The following EIF3CL variants were observed in gnomAD, a reference collection of about 807,000 sequenced individuals.
EIF3CL encodes the protein eukaryotic translation initiation factor 3 subunit C like.
For synonymous variants in EIF3CL, 2 were observed against 19.6 expected (o/e 0.10, Z 2.37); for missense variants, 5 against 56.1 (o/e 0.09, Z 2.91).
intron 2 of EIF3CL, among the ~76,000 whole-genome samples, chr16:28,403,237 GT>G (rs1272273678): frequency 1.4e-5 from 1 of 69,536 alleles, no homozygotes; most frequent in East Asian, 7.3e-4. Context: ...GAGGAGACAG[GT>G]AGAGGCTGTA....
the EIF3CL span, among the ~76,000 whole-genome samples, chr16:28,417,292 G>C: frequency 4.7e-5 from 7 of 148,790 alleles, no homozygotes; most frequent in African/African-American, 1.8e-4. Context: ...CCCTCTGACC[G>C]GCCACCACCC....
chr16:28,386,818 TACAC>T lies in EIF3CL; in HGVS notation c.1821+1236_1821+1239del, dbSNP rs1237659755. Among the ~76,000 whole-genome samples the T allele has an allele frequency of 3.0e-4, 18 of 60,112 alleles. 2 individuals carry two copies. The highest frequency in any genetic ancestry group is 1.2e-3 in the African/African-American group (18 of 15,374). 39.4% of individuals were successfully genotyped at this position (60,112 alleles called of 152,430 possible). A position where few individuals can be genotyped will look rare whatever the true frequency, so the allele number is the denominator to read the frequency against. The stretch of plus-strand genomic sequence containing the variant: ...ACACACACACACACCCCCTAAAAGA[TACAC>T]ACACAACCCCTAAAAGATACACACA... On this transcript the variant is annotated intron_variant, in intron 15 of 20. Transcript: ENST00000380876.
the EIF3CL span, among the ~76,000 whole-genome samples, chr16:28,417,843 A>C: frequency 6.9e-5 from 10 of 145,760 alleles, no homozygotes; most frequent in Admixed American, 1.4e-4. Context: ...AAAAAAAAAA[A>C]CTCAAATAAA....
chr16:28,416,900 C>G, the EIF3CL span, among the ~76,000 whole-genome samples: 1 of 97,620 alleles, frequency 1.0e-5, no homozygotes, highest in South Asian at 2.9e-4. Flanking sequence ...GGTCAGCCCC[C>G]CCGCCCGGCC....
the EIF3CL span, among the ~76,000 whole-genome samples, chr16:28,416,766 G>T: frequency 4.8e-5 from 5 of 103,782 alleles, no homozygotes; most frequent in African/African-American, 6.9e-5. Flanking sequence ...GGGGGGGTCA[G>T]CCCCCCCACC....
intron 2 of EIF3CL, 125 bp downstream of exon 2, chr16:28,403,393 T>C (rs1166196602): frequency 7.2e-5 from 2 of 27,912 alleles, no homozygotes; most frequent in Admixed American, 7.3e-4. Flanking sequence ...TCCTGCAAAC[T>C]CTGGTCATTG....
intron 2 of EIF3CL, among the ~76,000 whole-genome samples, chr16:28,402,132 TTTTG>T (rs1279844046): frequency 1.6e-5 from 1 of 63,476 alleles, no homozygotes; most frequent in Non-Finnish European, 3.0e-5. Flanking sequence ...TCTCTACTCT[TTTTG>T]TTTGTTAAGA....
the EIF3CL span, among the ~76,000 whole-genome samples, chr16:28,422,845 A>C: frequency 8.3e-6 from 1 of 120,172 alleles, no homozygotes; most frequent in Non-Finnish European, 1.8e-5. Flanking sequence ...TCAAACAAAA[A>C]AAGAAAAGAA....
chr16:28,419,167 T>C, the EIF3CL span, among the ~76,000 whole-genome samples: 1 of 150,112 alleles, frequency 6.7e-6, no homozygotes, highest in Non-Finnish European at 1.5e-5. Flanking sequence ...CCATCACGCC[T>C]GGCTAATTTT....
chr16:28,417,669 A>G, the EIF3CL span, among the ~76,000 whole-genome samples: 3 of 99,710 alleles, frequency 3.0e-5, no homozygotes, highest in African/African-American at 3.5e-5. Context: ...AATCAGGGAC[A>G]CAAACACTGC....
chr16:28,419,029 C>T, the EIF3CL span, among the ~76,000 whole-genome samples: 2 of 144,694 alleles, frequency 1.4e-5, no homozygotes, highest in African/African-American at 5.1e-5. Context: ...TTCTTTGAGA[C>T]AGAGTCTCCC....
the EIF3CL span, among the ~76,000 whole-genome samples, chr16:28,416,643 C>G: frequency 1.2e-5 from 1 of 82,700 alleles, no homozygotes; most frequent in Non-Finnish European, 2.6e-5. Context: ...GGAGCCCCTC[C>G]GCCCGGCAGC....
chr16:28,417,179 C>A, the EIF3CL span, among the ~76,000 whole-genome samples: 1 of 144,896 alleles, frequency 6.9e-6, no homozygotes, highest in Non-Finnish European at 1.5e-5. Context: ...CCGCCCCGTC[C>A]GGGAGGGAGG....
chr16:28,414,903 G>A, the EIF3CL span: 63 of 517,340 alleles, frequency 1.2e-4, 5 homozygotes, highest in Middle Eastern at 6.5e-4. Context: ...GTGTATCGAC[G>A]CCGGCCTCCG....
chr16:28,414,520 G>A, the EIF3CL span: 1 of 191,244 alleles, frequency 5.2e-6, no homozygotes, highest in African/African-American at 2.7e-5. Context: ...CGCCCTCATG[G>A]AGCAGGTGGT....
At chr16:28,421,656 T>G in the EIF3CL span, among the ~76,000 whole-genome samples, 43 of 23,294 alleles carry the variant, frequency 1.8e-3, 1 homozygote, top group African/African-American at 6.1e-3. Flanking sequence ...CCCTCTCTAC[T>G]GAAAATACAA....
intron 15 of EIF3CL, among the ~76,000 whole-genome samples, chr16:28,387,673 C>G (rs2141654786): frequency 6.7e-6 from 1 of 149,196 alleles, no homozygotes; most frequent in South Asian, 2.1e-4. Flanking sequence ...GCAGTACCCC[C>G]AGACAGGTTC....
At chr16:28,418,033 G>C in the EIF3CL span, among the ~76,000 whole-genome samples, 1 of 143,900 alleles carries the variant, frequency 6.9e-6, no homozygotes, top group Non-Finnish European at 1.5e-5. Context: ...ACAGGAGTGA[G>C]ACTCTGTCTC....
chr16:28,423,845 G>A, the EIF3CL span, among the ~76,000 whole-genome samples: 2 of 111,840 alleles, frequency 1.8e-5, no homozygotes, highest in African/African-American at 2.8e-5. Context: ...TTTTTGAGAC[G>A]GAGTCTTGCT....
Sources: gnomAD v4.1 joint callset for allele counts (sites outside exome capture counted in the v4.1 genomes callset) on GRCh38, gnomAD v4.1.1 for gene constraint, MANE v1.5 for transcripts, NCBI Gene and HGNC (gene_info 2026-07-23, HGNC 2026-07-21) for gene names.